PTRH1: variants seen among roughly 807,000 people sequenced by gnomAD.
PTRH1 encodes the protein peptidyl-tRNA hydrolase.
Under a neutral mutation model 15.7 loss-of-function variants are expected in PTRH1, and 13 were observed. That is an observed-to-expected ratio of 0.83 (90% CI 0.54 to 1.31). The LOEUF (loss-of-function observed/expected upper bound fraction) is 1.31, where lower values mean the gene tolerates loss of function less well. PTRH1 is among the 40% of genes most tolerant of loss of function. PTRH1 has a pLI of 0.00. For missense variants in PTRH1, 319 were observed against 296.2 expected, an observed-to-expected ratio of 1.08 and a Z score of -0.56; for synonymous variants, 139 against 136.7, an observed-to-expected ratio of 1.02 and a Z score of -0.12.
intron 1 of PTRH1, among the ~76,000 whole-genome samples, chr9:127,704,684 G>C (rs1410439270): frequency 6.6e-6 from 1 of 152,114 alleles, no homozygotes; most frequent in African/African-American, 2.4e-5. Context: ...TTCTGTAAAT[G>C]ATGAGGAAAG....
chr9:127,706,965 C>T (rs1260740022), intron 1 of PTRH1: 12 of 1,575,602 alleles, frequency 7.6e-6, no homozygotes, highest in East Asian at 4.5e-5. Context: ...TTGCTATGTA[C>T]GGGACCAGCT....
At chr9:127,711,551 C>A (rs1425440154), downstream of PTRH1, 2 of 1,575,216 alleles carry the variant, frequency 1.3e-6, no homozygotes, top group African/African-American at 2.7e-5. Context: ...GGAGGCCGCC[C>A]TGGGGGCCCT....
chr9:127,709,656 G>A, downstream of PTRH1: 1 of 1,613,734 alleles, frequency 6.2e-7, no homozygotes, highest in Non-Finnish European at 8.5e-7. The surrounding 1 kb of genome is among the most constrained non-coding windows in gnomAD (Gnocchi z 4.7). Context: ...AGTTCCAGGA[G>A]ACCAAGGACC....
chr9:127,713,266 A>AGGCTCT, downstream of PTRH1: 1 of 1,242,734 alleles, frequency 8.0e-7, no homozygotes, highest in Non-Finnish European at 1.1e-6. Context: ...GTACAAACTG[A>AGGCTCT]GGCTCTGCCA....
intron 1 of PTRH1, among the ~76,000 whole-genome samples, chr9:127,706,649 C>G (rs888955937): frequency 6.6e-6 from 1 of 152,232 alleles, no homozygotes; most frequent in Non-Finnish European, 1.5e-5. Flanking sequence ...AGCTGCAGAA[C>G]AGGCTTTGTG....
downstream of PTRH1, chr9:127,712,383 G>A (rs1564366948): frequency 6.2e-7 from 1 of 1,609,694 alleles, no homozygotes; most frequent in Non-Finnish European, 8.5e-7. Context: ...GGCGCAAGGG[G>A]AGGGGGAGTG....
intron 1 of PTRH1, among the ~76,000 whole-genome samples, chr9:127,707,755 G>C (rs58892501): frequency 0.014 from 2,199 of 152,276 alleles, 65 homozygotes; most frequent in African/African-American, 0.05. Flanking sequence ...TCTTCATTCA[G>C]AGCCATGTTC....
intron 1 of PTRH1, among the ~76,000 whole-genome samples, chr9:127,699,365 C>T (rs535033144): frequency 1.3e-5 from 2 of 152,352 alleles, no homozygotes; most frequent in East Asian, 3.9e-4. Context: ...AAGGAAAAGG[C>T]CGACACCCAA....
Sources: gnomAD v4.1 joint callset for allele counts (sites outside exome capture counted in the v4.1 genomes callset) on GRCh38, gnomAD v4.1.1 for gene constraint, Gnocchi (gnomAD v3.1) non-coding constraint, MANE v1.5 for transcripts, NCBI Gene and HGNC (gene_info 2026-07-23, HGNC 2026-07-21) for gene names.